SBK2: variants seen among roughly 807,000 people sequenced by gnomAD.
The protein encoded by SBK2 is SH3 domain binding kinase family member 2, also known as serine/threonine-protein kinase SBK2.
In SBK2, 18 loss-of-function variants were observed where a neutral mutation model predicts 15.9. The ratio of observed to expected loss-of-function variants is 1.13; its 90% CI spans 0.78 to 1.68. The LOEUF (loss-of-function observed/expected upper bound fraction) is 1.68. Among genes scored for constraint, SBK2 ranks in the 40% most tolerant of loss-of-function variants. SBK2 has a pLI of 0.00. For missense variants in SBK2, 581 were observed against 510.9 expected (o/e 1.14, Z -1.32); for synonymous variants, 284 against 246.8 (o/e 1.15, Z -1.41).
rs635264 is a variant in SBK2 at position 55,528,759 on chromosome 19, C to T, written c.*974G>A. On this transcript the variant is annotated 3_prime_UTR_variant, in exon 4 of 4. Coordinates refer to ENST00000413299, the MANE Select transcript of SBK2 (RefSeq NM_001370096.2). ...GAGGACAGGGACGGAGGGGAGGCTG[C>T]GCCACACCAGACAGGCTAATTTATT... Among the ~76,000 whole-genome samples the T allele has an allele frequency of 0.82, 124,851 of 152,102 alleles. 51,473 individuals carry two copies. Among genetic ancestry groups the T allele is most frequent in the South Asian group, 0.94 (4,541 of 4,828 alleles).
At chr19:55,534,715 A>AAAG (rs1555770631) in intron 2 of SBK2, among the ~76,000 whole-genome samples, 4 of 147,790 alleles carry the variant, frequency 2.7e-5, no homozygotes, top group Non-Finnish European at 4.5e-5. Flanking sequence ...AAAAAAAAAA[A>AAAG]AAAAAGAAAA....
At position 55,529,607 on chromosome 19, in the gene SBK2, A is replaced by G. The variant is rs1452649758; in HGVS notation, c.*126T>C. ...GGAATGCAGCCTGCAGAGAGGAGAG[A>G]GGAGGAGGACGCCGAGGGGAATCCC... On this transcript the variant is annotated 3_prime_UTR_variant, in exon 4 of 4. Transcript: ENST00000413299. The G allele has an allele frequency of 4.6e-6, 6 of 1,300,384 alleles. No homozygotes were observed. The highest frequency in any genetic ancestry group is 6.2e-6 in the Non-Finnish European group (6 of 975,488). 80.6% of individuals were successfully genotyped at this position (1,300,384 alleles called of 1,614,324 possible).
At position 55,531,180 on chromosome 19, in the gene SBK2, A is replaced by G. The variant is rs1371329724; in HGVS notation, c.419T>C (p.Val140Ala). ...GAAGGCCATGAGGTCCCCGTGCAGGACGGGCTCCGTCAGGAAGCTGTAGGA... is the reference window on the plus strand; with the variant it reads ...GAAGGCCATGAGGTCCCCGTGCAGGGCGGGCTCCGTCAGGAAGCTGTAGGA... Reference protein sequence around the residue: ...AHSYSFLTEPVLHGDLMAFIQ... With the variant: ...AHSYSFLTEPALHGDLMAFIQ... Residue 140 changes from valine to alanine, a missense_variant, in exon 3 of 4, where the codon GTC becomes GCC. Physicochemically the swap from Val to Ala is moderately conservative, Grantham distance 64. Transcript: ENST00000413299. 1 of 1,612,908 alleles carries G rather than the reference A, an allele frequency of 6.2e-7. No homozygotes were observed. The highest frequency in any genetic ancestry group is 2.2e-5 in the East Asian group (1 of 44,872).
chr19:55,529,461 A>G lies in SBK2; in HGVS notation c.*272T>C, dbSNP rs1988185490. Among the ~76,000 whole-genome samples, 1 of 152,120 alleles carries G rather than the reference A, an allele frequency of 6.6e-6. No homozygotes were observed. The highest frequency in any genetic ancestry group is 6.5e-5 in the Admixed American group (1 of 15,280). On this transcript the variant is annotated 3_prime_UTR_variant, in exon 4 of 4. Transcript: ENST00000413299. ...AGTGCCCTGAGCAAACAGCAAGTGC[A>G]GAGGCCCTGGGGAAGGTGGCGGCAG...
rs745346720 is a variant in SBK2, at chr19:55,531,340, G to T, written c.259C>A (p.Pro87Thr). 6.9e-6 allele frequency: 11 copies of T among 1,602,534 alleles called. No homozygotes were observed. The highest frequency in any genetic ancestry group is 6.7e-5 in the South Asian group (6 of 89,604). Reference sequence around the variant, plus strand: ...TTCGGGAGCTGCTTCAGTGCCAGGGGTGTGCCTGGGGCAGCAGGGACAGGT... The same window carrying T: ...TTCGGGAGCTGCTTCAGTGCCAGGGTTGTGCCTGGGGCAGCAGGGACAGGT... ...LLVTHRQKGTPLALKQLPKPR... is the reference protein window; with the variant it reads ...LLVTHRQKGTTLALKQLPKPR... The change falls in exon 3 of 4, where the codon CCC (proline) becomes ACC (threonine). Residue 87 changes from proline to threonine, a missense_variant. Transcript: ENST00000413299.
At chr19:55,533,351 GGAAAA>G (rs1988318011) in intron 2 of SBK2, among the ~76,000 whole-genome samples, 1 of 147,748 alleles carries the variant, frequency 6.8e-6, no homozygotes, top group Non-Finnish European at 1.5e-5. Flanking sequence ...AGAAAAAAAA[GGAAAA>G]GAAAAGAAAG....
chr19:55,529,969 C>A lies in SBK2; in HGVS notation c.811G>T (p.Asp271Tyr). The change falls in exon 4 of 4, where the codon GAC (aspartate) becomes TAC (tyrosine). Residue 271 changes from aspartate (D) to tyrosine (Y), a missense_variant. Transcript: ENST00000413299. ...FPWDRPLAEA[D>Y]PFYEDFLIWQ... ...ATGAGGAAGTCCTCGTAGAAGGGGTCGGCCTCGGCCAGGGGCCGGTCCCAG... is the reference window on the plus strand; with the variant it reads ...ATGAGGAAGTCCTCGTAGAAGGGGTAGGCCTCGGCCAGGGGCCGGTCCCAG... 6.5e-7 allele frequency: 1 copy of A among 1,527,906 alleles called. No individual in the cohort carries two copies. The highest frequency in any genetic ancestry group is 8.8e-7 in the Non-Finnish European group (1 of 1,139,552). 94.6% of individuals were successfully genotyped at this position (1,527,906 alleles called of 1,614,324 possible). A position where few individuals can be genotyped will look rare whatever the true frequency, so the allele number is the denominator to read the frequency against.
Position 55,531,297 on chromosome 19 carries a change from C to T in SBK2, c.302G>A (p.Arg101His), listed in dbSNP as rs776199667. Residue 101 changes from arginine (R) to histidine (H), a missense_variant, in exon 3 of 4, where the codon CGT becomes CAT. By Grantham distance (29) the Arg-to-His change is conservative (BLOSUM62 0). Coordinates refer to ENST00000413299, the MANE Select transcript of SBK2 (RefSeq NM_001370096.2). ...CACACAGAACTCGTACAGGAAGCCACGGAGGGACGTGCGGGGTTTCGGGAG... is the reference window on the plus strand; with the variant it reads ...CACACAGAACTCGTACAGGAAGCCATGGAGGGACGTGCGGGGTTTCGGGAG... ...KQLPKPRTSL[R>H]GFLYEFCVGL... is the part of the protein sequence containing the mutation. 2.2e-5 allele frequency: 35 copies of T among 1,613,184 alleles called. No homozygotes were observed. Among genetic ancestry groups the T allele is most frequent in the East Asian group, 1.3e-4 (6 of 44,870 alleles).
In SBK2 at chr19:55,528,684, G is replaced by A. The variant is rs645973; in HGVS notation, c.*1049C>T. The stretch of plus-strand genomic sequence containing the variant: ...GGCAAAACACATCACAGAGAGGGTG[G>A]TGCCAGGTGGGAGGGAGACCCGGCC... On this transcript the variant is annotated 3_prime_UTR_variant, in exon 4 of 4. Coordinates refer to ENST00000413299, the MANE Select transcript of SBK2 (RefSeq NM_001370096.2). Among the ~76,000 whole-genome samples the A allele has an allele frequency of 0.59, 89,449 of 151,962 alleles. 26,854 individuals carry two copies. Among genetic ancestry groups the A allele is most frequent in the South Asian group, 0.73 (3,522 of 4,812 alleles).
chr19:55,531,370 G>A, intron 2 of SBK2, 25 bp from the exon 3 acceptor site: 1 of 1,567,916 alleles, frequency 6.4e-7, no homozygotes, highest in East Asian at 2.4e-5. Context: ...ACAGGTATGG[G>A]AGGCGTGCAG....
At chr19:55,532,602 T>TTC (rs1988299545) in intron 2 of SBK2, among the ~76,000 whole-genome samples, 1 of 7,328 alleles carries the variant, frequency 1.4e-4, no homozygotes. Flanking sequence ...ACACCCGCCC[T>TTC]TTTTTTTTTT....
In SBK2 at chr19:55,529,472, G is replaced by A. The variant is rs1378917864; in HGVS notation, c.*261C>T. On this transcript the variant is annotated 3_prime_UTR_variant, in exon 4 of 4. Transcript: ENST00000413299. ...CAAACAGCAAGTGCAGAGGCCCTGG[G>A]GAAGGTGGCGGCAGGTACCGAGAGC... Among the ~76,000 whole-genome samples the A allele has an allele frequency of 6.6e-6, 1 of 152,120 alleles. No individual in the cohort carries two copies. Among genetic ancestry groups the A allele is most frequent in the Non-Finnish European group, 1.5e-5 (1 of 68,006 alleles).
chr19:55,530,910 G>A (rs913408649), intron 3 of SBK2, among the ~76,000 whole-genome samples: 2 of 152,152 alleles, frequency 1.3e-5, no homozygotes, highest in Non-Finnish European at 2.9e-5. Flanking sequence ...GTGTGACCTG[G>A]GGCTGCCTGG....
Position 55,530,313 on chromosome 19 carries a change from G to T in SBK2, c.467C>A (p.Pro156Gln). The stretch of plus-strand genomic sequence containing the variant: ...GGCGCAGCGGTGCACCGCGGGCTGC[G>T]GGAGGCCCACCTGCGGGGAGAGGGG... ...MAFIQPKVGL[P>Q]QPAVHRCAAQ... Residue 156 changes from proline to glutamine, a missense_variant, in exon 4 of 4, where the codon CCG becomes CAG. Physicochemically the swap from Pro to Gln is moderately conservative, Grantham distance 76 (BLOSUM62 -1). Transcript: ENST00000413299. 7.1e-7 allele frequency: 1 copy of T among 1,409,960 alleles called. No homozygotes were observed. Among genetic ancestry groups the T allele is most frequent in the East Asian group, 2.8e-5 (1 of 35,998 alleles). The allele number at this position is 1,409,960 out of a possible 1,614,324, so 87.3% of individuals were successfully genotyped here.
rs1988177646 is a variant in SBK2, at chr19:55,529,083, C to A, written c.*650G>T. 6.6e-6 allele frequency among the ~76,000 whole-genome samples: 1 copy of A among 152,148 alleles called. No homozygotes were observed. Among genetic ancestry groups the A allele is most frequent in the Non-Finnish European group, 1.5e-5 (1 of 68,032 alleles). The stretch of plus-strand genomic sequence containing the variant: ...CCTGAGCAACACAGCAAGACCCGCC[C>A]CCAACCATCTTTTTAAAAAGTTAAA... On this transcript the variant is annotated 3_prime_UTR_variant, in exon 4 of 4. Transcript: ENST00000413299.
rs1315991658 is a variant in SBK2, at chr19:55,529,289, A to G, written c.*444T>C. ...CGCATGCCTGTAGTCCCAGCTACTCAGGAGGCTGAGGCAGGAAGATTGCTT... is the reference window on the plus strand; with the variant it reads ...CGCATGCCTGTAGTCCCAGCTACTCGGGAGGCTGAGGCAGGAAGATTGCTT... On this transcript the variant is annotated 3_prime_UTR_variant, in exon 4 of 4. Transcript: ENST00000413299. 6.6e-6 allele frequency among the ~76,000 whole-genome samples: 1 copy of G among 152,168 alleles called. No individual in the cohort carries two copies. The highest frequency in any genetic ancestry group is 1.5e-5 in the Non-Finnish European group (1 of 68,022).
intron 2 of SBK2, among the ~76,000 whole-genome samples, chr19:55,533,426 T>A (rs1988320453): frequency 6.6e-6 from 1 of 151,560 alleles, no homozygotes; most frequent in Admixed American, 6.6e-5. Flanking sequence ...GGTGGGTGGA[T>A]CACTTGAGGT....
rs560930492 is a variant in SBK2, at chr19:55,536,161, A to G, written c.134T>C (p.Met45Thr). Residue 45 changes from methionine to threonine, a missense_variant, in exon 2 of 4, where the codon ATG (methionine) becomes ACG (threonine). Coordinates refer to ENST00000413299, the MANE Select transcript of SBK2 (RefSeq NM_001370096.2). ...GQEAARALED[M>T]MTLSAQTLVR... ...CAGGGTCTGAGCACTCAGCGTCATC[A>G]TGTCCTCCAGCGCGCGGGCAGCCTC... The G allele has an allele frequency of 1.1e-4, 169 of 1,605,038 alleles. 1 individual carries two copies. The South Asian group carries it at 1.7e-3, about 16-fold the overall frequency.
At chr19:55,534,442 C>T (rs541137393) in intron 2 of SBK2, among the ~76,000 whole-genome samples, 76 of 152,188 alleles carry the variant, frequency 5.0e-4, no homozygotes, top group African/African-American at 1.7e-3. Flanking sequence ...GGCACGGTGG[C>T]GCACACCTGT....
Sources: gnomAD v4.1 joint callset for allele counts (sites outside exome capture counted in the v4.1 genomes callset) on GRCh38, gnomAD v4.1.1 for gene constraint, MANE v1.5 for transcripts, NCBI Gene and HGNC (gene_info 2026-07-23, HGNC 2026-07-21) for gene names.